The following SLC9C1 variants were observed in gnomAD, a reference collection of about 807,000 sequenced individuals.
The protein encoded by SLC9C1 is sodium/hydrogen exchanger 10.
A neutral mutation model predicts 140.9 loss-of-function variants in SLC9C1; 97 were observed. The observed-to-expected ratio is 0.69, with a 90% CI of 0.58 to 0.82. The LOEUF is 0.82. SLC9C1 is among the 40% of genes least tolerant of loss of function. The probability of loss-of-function intolerance (pLI) is 0.00; values close to 1 mark genes in which losing one functional copy is unlikely to be tolerated. For missense variants in SLC9C1, 1,340 were observed against 1,389.3 expected, an observed-to-expected ratio of 0.96 and a Z score of 0.56; for synonymous variants, 440 against 442.6, an observed-to-expected ratio of 0.99 and a Z score of 0.07.
intron 20 of SLC9C1, among the ~76,000 whole-genome samples, chr3:112,193,283 T>G (rs548240644): frequency 6.6e-6 from 1 of 152,232 alleles, no homozygotes; most frequent in East Asian, 1.9e-4. Flanking sequence ...GGTCTGTTAC[T>G]CTGGCCAGGG....
intron 28 of SLC9C1, among the ~76,000 whole-genome samples, chr3:112,150,765 AATACATATATATATATAAATACAT>A (rs1560003069): frequency 1.4e-5 from 2 of 141,168 alleles, no homozygotes; most frequent in African/African-American, 5.2e-5. Context: ...TATATATAAA[AATACATATATATATATAAATACAT>A]ATACATATAT....
intron 2 of SLC9C1, among the ~76,000 whole-genome samples, chr3:112,281,249 A>C (rs13081485): frequency 0.58 from 88,266 of 151,984 alleles, 26,261 homozygotes; most frequent in East Asian, 0.79. Context: ...TGTTTTCACT[A>C]ATTCTGGCAC....
chr3:112,210,390 A>G (rs145664737), intron 15 of SLC9C1, among the ~76,000 whole-genome samples: 55 of 152,356 alleles, frequency 3.6e-4, no homozygotes, highest in African/African-American at 1.3e-3. Flanking sequence ...CTACTAACAC[A>G]TTCTATTATG....
At position 112,221,698 on chromosome 3, in the gene SLC9C1, AT is replaced by A. The variant is rs1216017435; in HGVS notation, c.1573-474del. ...TTCTATCTTTGTAACTTATATAATT[AT>A]TTATAGAATATTTTATAATTTATAA... On this transcript the variant is annotated intron_variant, in intron 13 of 28. Transcript: ENST00000305815. 2.0e-5 allele frequency among the ~76,000 whole-genome samples: 3 copies of A among 152,070 alleles called. No homozygotes were observed. The East Asian group carries it at 5.8e-4, about 29-fold the overall frequency.
intron 16 of SLC9C1, 111 bp from the exon 17 acceptor site, chr3:112,204,514 G>A: frequency 8.6e-7 from 1 of 1,168,664 alleles, no homozygotes; most frequent in Non-Finnish European, 1.2e-6. Flanking sequence ...TACTCCACAT[G>A]TATGAAATAT....
intron 23 of SLC9C1, among the ~76,000 whole-genome samples, chr3:112,175,246 G>A (rs906124398): frequency 2.0e-5 from 3 of 152,158 alleles, no homozygotes; most frequent in African/African-American, 7.2e-5. Context: ...TAGTCACCTC[G>A]GACTTTCTAG....
chr3:112,185,846 C>G, intron 20 of SLC9C1: 14 of 1,587,256 alleles, frequency 8.8e-6, no homozygotes, highest in Non-Finnish European at 1.1e-5. Flanking sequence ...AAGCAGGGCC[C>G]GGGACTGCGC....
intron 10 of SLC9C1, among the ~76,000 whole-genome samples, chr3:112,257,470 A>G (rs2079641080): frequency 1.3e-5 from 2 of 152,186 alleles, no homozygotes. Context: ...TATTCAATAA[A>G]TGGTTTTGGG....
intron 28 of SLC9C1, among the ~76,000 whole-genome samples, chr3:112,146,514 C>G (rs2074800598): frequency 6.6e-6 from 1 of 152,060 alleles, no homozygotes; most frequent in African/African-American, 2.4e-5. Flanking sequence ...TGTTGTGTCT[C>G]TTTCATTTAT....
At chr3:112,229,651 AG>A (rs1456576319) in intron 13 of SLC9C1, among the ~76,000 whole-genome samples, 5 of 151,990 alleles carry the variant, frequency 3.3e-5, no homozygotes, top group South Asian at 4.1e-4. Flanking sequence ...GTGTGTATAA[AG>A]AATTAGTGGC....
intron 12 of SLC9C1, among the ~76,000 whole-genome samples, chr3:112,233,230 C>T (rs1010946347): frequency 5.9e-5 from 9 of 151,836 alleles, no homozygotes; most frequent in African/African-American, 2.2e-4. Flanking sequence ...CACCACCCAA[C>T]TAATTTTTTG....
intron 10 of SLC9C1, among the ~76,000 whole-genome samples, 166 bp from the exon 11 acceptor site, chr3:112,244,242 C>G (rs1158471643): frequency 6.6e-6 from 1 of 152,156 alleles, no homozygotes; most frequent in Non-Finnish European, 1.5e-5. Flanking sequence ...TGAAAGCACT[C>G]TGGGTATTCT....
intron 1 of SLC9C1, among the ~76,000 whole-genome samples, chr3:112,287,802 C>T (rs1329349005): frequency 1.3e-5 from 2 of 152,072 alleles, no homozygotes; most frequent in Admixed American, 6.6e-5. Flanking sequence ...AATCCCAATA[C>T]TTTGGGAGGC....
Position 112,182,203 on chromosome 3 carries a change from A to G in SLC9C1, c.2579T>C (p.Leu860Pro), listed in dbSNP as rs563216462. ...VLDSQSIIRP[L>P]TVEEVLYHIP... is the part of the protein sequence containing the mutation. The stretch of plus-strand genomic sequence containing the variant: ...ATGATATAGAACTTCTTCAACAGTA[A>G]GAGGCCTGATAATAGATTGAGAATC... The change falls in exon 21 of 29, where the codon CTT becomes CCT. Residue 860 changes from leucine to proline, a missense_variant. Transcript: ENST00000305815. 3.1e-6 allele frequency: 5 copies of G among 1,608,360 alleles called. No individual in the cohort carries two copies. The East Asian group carries it at 6.7e-5, about 22-fold the overall frequency.
chr3:112,208,200 T>C lies in SLC9C1; in HGVS notation c.1964A>G (p.Tyr655Cys). 6.2e-7 allele frequency: 1 copy of C among 1,608,688 alleles called. No individual in the cohort carries two copies. The highest frequency in any genetic ancestry group is 8.5e-7 in the Non-Finnish European group (1 of 1,178,020). ...TACCTTAAGTAGTGCCTCTAGAATATAAAGTGTAAGAAAACAGTAGTTAGT... is the reference window on the plus strand; with the variant it reads ...TACCTTAAGTAGTGCCTCTAGAATACAAAGTGTAAGAAAACAGTAGTTAGT... ...KHTNYCFLTL[Y>C]ILEALLKIAA... Residue 655 changes from tyrosine (Y) to cysteine (C), a missense_variant, in exon 16 of 29, where the codon TAT (tyrosine) becomes TGT (cysteine). Physicochemically the swap from Tyr to Cys is radical, Grantham distance 194. Transcript: ENST00000305815.
Position 112,204,293 on chromosome 3 carries a change from C to A in SLC9C1, c.2097G>T (p.Lys699Asn). 2 of 1,560,108 alleles carry A rather than the reference C, an allele frequency of 1.3e-6. No individual in the cohort carries two copies. Among genetic ancestry groups the A allele is most frequent in the South Asian group, 1.3e-5 (1 of 79,248 alleles). The change falls in exon 17 of 29, where the codon AAG becomes AAT. Residue 699 changes from lysine (K) to asparagine (N), a missense_variant. Transcript: ENST00000305815. ...TTACTTCAGTCTCATTAAAAATATACTTAATGGTGTCTATTTCAATAAGTA... is the reference window on the plus strand; with the variant it reads ...TTACTTCAGTCTCATTAAAAATATAATTAATGGTGTCTATTTCAATAAGTA... ...HVILIEIDTI[K>N]YIFNETEVIV... is the part of the protein sequence containing the mutation.
chr3:112,277,653 A>T (rs752769372), intron 5 of SLC9C1, 42 bp downstream of exon 5: 9 of 1,413,892 alleles, frequency 6.4e-6, no homozygotes, highest in Non-Finnish European at 8.4e-6. Flanking sequence ...TCATTATGAA[A>T]TATGATATTA....
At chr3:112,284,210 G>A (rs910762466) in intron 2 of SLC9C1, among the ~76,000 whole-genome samples, 2 of 152,174 alleles carry the variant, frequency 1.3e-5, no homozygotes, top group African/African-American at 2.4e-5. Flanking sequence ...AATGTAAAAA[G>A]GTAAAGTTGC....
chr3:112,254,352 G>A lies in SLC9C1; in HGVS notation c.1197+8572C>T, dbSNP rs142250392. Among the ~76,000 whole-genome samples, 17 of 152,146 alleles carry A rather than the reference G, an allele frequency of 1.1e-4. No individual in the cohort carries two copies. In the East Asian group the frequency reaches 1.9e-3, roughly 17 times the overall value. ...GGCAGCTAGAGAGAAAGGGCAGGTCGCCTACAAAAGGAACCCCATCAGGCT... is the reference window on the plus strand; with the variant it reads ...GGCAGCTAGAGAGAAAGGGCAGGTCACCTACAAAAGGAACCCCATCAGGCT... On this transcript the variant is annotated intron_variant, in intron 10 of 28. Transcript: ENST00000305815.
Sources: gnomAD v4.1 joint callset for allele counts (sites outside exome capture counted in the v4.1 genomes callset) on GRCh38, gnomAD v4.1.1 for gene constraint, MANE v1.5 for transcripts, NCBI Gene and HGNC (gene_info 2026-07-23, HGNC 2026-07-21) for gene names.